Variants in GTF2A2 observed in about 807,000 individuals in gnomAD.
GTF2A2 encodes the protein general transcription factor IIA subunit 2, also known as transcription initiation factor IIA subunit 2.
A neutral mutation model predicts 14.3 loss-of-function variants in GTF2A2; 9 were observed. The ratio of observed to expected loss-of-function variants is 0.63; its 90% CI spans 0.38 to 1.10. GTF2A2 has a LOEUF of 1.10. GTF2A2 is among the 50% of genes least tolerant of loss of function. The pLI, the probability that GTF2A2 is intolerant of heterozygous loss-of-function variation, is 0.01. For missense variants in GTF2A2, 90 were observed against 124.6 expected (o/e 0.72, Z 1.32); for synonymous variants, 56 against 46.0 (o/e 1.22, Z -0.88).
chr15:59,648,401 C>CAAAAAAAAAAAAAAAAAAA (rs71425875), intron 3 of GTF2A2, among the ~76,000 whole-genome samples: 5 of 90,566 alleles, frequency 5.5e-5, no homozygotes, highest in Non-Finnish European at 6.1e-5. Flanking sequence ...GACTTCGTCT[C>CAAAAAAAAAAAAAAAAAAA]AAAAAAAAAA....
At chr15:59,656,267 CTGAA>C (rs1891940109) in intron 1 of GTF2A2, among the ~76,000 whole-genome samples, 1 of 152,208 alleles carries the variant, frequency 6.6e-6, no homozygotes, top group Non-Finnish European at 1.5e-5. Flanking sequence ...TCCTATCTGC[CTGAA>C]TGCTCTTCCT....
At chr15:59,652,772 G>A (rs1266491860) in intron 1 of GTF2A2, 3 of 153,592 alleles carry the variant, frequency 2.0e-5, no homozygotes, top group African/African-American at 7.2e-5. Context: ...AGGTTCCAGA[G>A]AGAAGATGAT....
At position 59,638,924 on chromosome 15, in the gene GTF2A2, C is replaced by T; in HGVS notation, c.*208G>A. ...TCTTAGGAAGGCAACAACTTTTGTC[C>T]TTAAAAAAAAGTTATGGTTTTTCAT... On this transcript the variant is annotated 3_prime_UTR_variant, in exon 5 of 5. Transcript: ENST00000396060. The T allele has an allele frequency of 2.1e-6, 1 of 478,480 alleles. No homozygotes were observed. 29.6% of individuals were successfully genotyped at this position (478,480 alleles called of 1,614,324 possible).
At position 59,647,735 on chromosome 15, in the gene GTF2A2, T is replaced by C. The variant is rs375192570; in HGVS notation, c.177+2934A>G. ...CTGGGACTACAGGCATGCACCACCA[T>C]GCCCAGCTCATTTTAGTAAAGATGA... is the stretch of plus-strand genomic sequence containing the variant. On this transcript the variant is annotated intron_variant, in intron 3 of 4. Transcript: ENST00000396060. Among the ~76,000 whole-genome samples, 14 of 152,182 alleles carry C rather than the reference T, an allele frequency of 9.2e-5. No homozygotes were observed. The East Asian group carries it at 2.1e-3, about 23-fold the overall frequency.
chr15:59,643,815 C>T (rs1373395161), intron 3 of GTF2A2, among the ~76,000 whole-genome samples: 1 of 151,544 alleles, frequency 6.6e-6, no homozygotes, highest in African/African-American at 2.4e-5. Flanking sequence ...CCAGGCTGGT[C>T]TCAAACTCCT....
intron 3 of GTF2A2, among the ~76,000 whole-genome samples, chr15:59,646,827 AATAAT>A (rs1566929880): frequency 6.6e-6 from 1 of 152,250 alleles, no homozygotes; most frequent in East Asian, 1.9e-4. Context: ...AAACGTAAGA[AATAAT>A]ATAATCTTTT....
In GTF2A2 at chr15:59,657,460, C is replaced by G. The variant is rs931556568; in HGVS notation, c.-104G>C. 1 of 152,610 alleles carries G rather than the reference C, an allele frequency of 6.6e-6. No individual in the cohort carries two copies. The highest frequency in any genetic ancestry group is 2.4e-5 in the African/African-American group (1 of 41,484). 9.5% of individuals were successfully genotyped at this position (152,610 alleles called of 1,614,324 possible). A position where few individuals can be genotyped will look rare whatever the true frequency, so the allele number is the denominator to read the frequency against. The stretch of plus-strand genomic sequence containing the variant: ...CGGACAGAAGCCGCCACGAGCCCGG[C>G]AGGAGGTTCCTACTTCTCCGACCAC... On this transcript the variant is annotated 5_prime_UTR_variant, in exon 1 of 5. Transcript: ENST00000396060.
chr15:59,653,801 G>A (rs376503596), intron 1 of GTF2A2, among the ~76,000 whole-genome samples: 2 of 152,130 alleles, frequency 1.3e-5, no homozygotes, highest in East Asian at 3.9e-4. Flanking sequence ...TGTTTCTGAT[G>A]CTACTCTTGC....
chr15:59,644,365 G>A (rs1457615066), intron 3 of GTF2A2: 2 of 152,186 alleles, frequency 1.3e-5, no homozygotes, highest in Admixed American at 1.3e-4. Context: ...AATGCTGCTT[G>A]CAATATTATT....
chr15:59,653,947 T>A (rs1179883759), intron 1 of GTF2A2, among the ~76,000 whole-genome samples: 2 of 152,176 alleles, frequency 1.3e-5, no homozygotes, highest in Non-Finnish European at 2.9e-5. Flanking sequence ...ACCTTTCAGC[T>A]CGTCCTTCTA....
chr15:59,643,072 ATT>A (rs398043378), intron 3 of GTF2A2, among the ~76,000 whole-genome samples: 1,473 of 64,126 alleles, frequency 0.023, 29 homozygotes, highest in African/African-American at 0.093. Flanking sequence ...GGCCTATATA[ATT>A]TTTTTTTTTT....
chr15:59,642,287 A>G, intron 3 of GTF2A2, 25 bp from the exon 4 acceptor site: 1 of 1,564,116 alleles, frequency 6.4e-7, no homozygotes, highest in Non-Finnish European at 8.6e-7. Context: ...ATTTAGAAAT[A>G]CCGTGAAACG....
intron 3 of GTF2A2, among the ~76,000 whole-genome samples, chr15:59,645,997 G>A (rs1447783900): frequency 3.3e-5 from 5 of 149,600 alleles, no homozygotes; most frequent in African/African-American, 1.2e-4. Flanking sequence ...TCACACCATT[G>A]CACTCCAGCT....
chr15:59,648,735 C>A (rs948648455), intron 3 of GTF2A2, among the ~76,000 whole-genome samples: 7 of 152,026 alleles, frequency 4.6e-5, no homozygotes, highest in Non-Finnish European at 1.0e-4. Flanking sequence ...GAGATAGAGA[C>A]CATCCTGGCA....
chr15:59,646,821 G>A (rs368426048), intron 3 of GTF2A2, among the ~76,000 whole-genome samples: 6 of 151,958 alleles, frequency 3.9e-5, no homozygotes, highest in Non-Finnish European at 2.9e-5. Flanking sequence ...AAAGGTAAAC[G>A]TAAGAAATAA....
intron 3 of GTF2A2, among the ~76,000 whole-genome samples, chr15:59,648,345 T>C (rs1157864812): frequency 1.4e-5 from 2 of 143,566 alleles, no homozygotes; most frequent in Admixed American, 7.3e-5. Context: ...GAGGCAGAGG[T>C]TGCAGTGAGC....
At chr15:59,653,053 G>C (rs142192971) in intron 1 of GTF2A2, 4 of 152,402 alleles carry the variant, frequency 2.6e-5, no homozygotes, top group African/African-American at 9.6e-5. Flanking sequence ...TACATTATCA[G>C]GGCATAAGTA....
chr15:59,641,349 G>GTGAT (rs1283982547), intron 4 of GTF2A2, among the ~76,000 whole-genome samples: 41 of 152,104 alleles, frequency 2.7e-4, no homozygotes, highest in East Asian at 9.6e-4. Flanking sequence ...CATTTTTTCA[G>GTGAT]TGATTGATTG....
intron 2 of GTF2A2, 93 bp from the exon 3 acceptor site, chr15:59,650,866 G>A (rs1891769868): frequency 7.2e-6 from 5 of 696,656 alleles, no homozygotes; most frequent in East Asian, 5.4e-5. Context: ...AAATTTAACT[G>A]AGGTTAACCA....
Sources: allele counts gnomAD v4.1 joint callset (sites outside exome capture counted in the v4.1 genomes callset), GRCh38; gene constraint gnomAD v4.1.1; transcripts MANE v1.5; gene names NCBI Gene and HGNC (gene_info 2026-07-23, HGNC 2026-07-21).